The following AMBP variants were observed in gnomAD, a reference collection of about 807,000 sequenced individuals.
AMBP encodes the protein protein AMBP.
In AMBP, 37 loss-of-function variants were observed where a neutral mutation model predicts 46.3. That is an observed-to-expected ratio of 0.80 (90% CI 0.61 to 1.05). The LOEUF (loss-of-function observed/expected upper bound fraction) is 1.05, where lower values mean the gene tolerates loss of function less well. AMBP is among the 50% of genes least tolerant of loss of function. AMBP has a pLI of 0.00. For synonymous variants in AMBP, 174 were observed against 175.9 expected, an observed-to-expected ratio of 0.99 and a Z score of 0.09; for missense variants, 475 against 461.2, an observed-to-expected ratio of 1.03 and a Z score of -0.27.
At position 114,076,729 on chromosome 9, in the gene AMBP, C is replaced by A; in HGVS notation, c.129G>T (p.Lys43Asn). ...ENFNISRIYG[K>N]WYNLAIGSTC... ...TGGAACCGATGGCCAGGTTGTACCACTTCCCATAGATCTAGGAGGCAGGTG... is the reference window on the plus strand; with the variant it reads ...TGGAACCGATGGCCAGGTTGTACCAATTCCCATAGATCTAGGAGGCAGGTG... The change falls in exon 2 of 10, where the codon AAG (lysine) becomes AAT (asparagine). Residue 43 changes from lysine to asparagine, a missense_variant. Physicochemically the swap from Lys to Asn is moderately conservative, Grantham distance 94. Coordinates refer to ENST00000265132, the MANE Select transcript of AMBP (RefSeq NM_001633.4). 1 of 1,614,034 alleles carries A rather than the reference C, an allele frequency of 6.2e-7. No homozygotes were observed. Among genetic ancestry groups the A allele is most frequent in the Non-Finnish European group, 8.5e-7 (1 of 1,179,964 alleles).
Position 114,078,146 on chromosome 9 carries a change from C to A in AMBP, c.64G>T (p.Val22Leu). ...TGGATGTTGTCGGGCGGCGTTGGCACAGGGCCAGCGCTCACCGCCAGGCAG... is the reference window on the plus strand; with the variant it reads ...TGGATGTTGTCGGGCGGCGTTGGCAAAGGGCCAGCGCTCACCGCCAGGCAG... ...SACLAVSAGP[V>L]PTPPDNIQVQ... Residue 22 changes from valine to leucine, a missense_variant, in exon 1 of 10, where the codon GTG becomes TTG. Physicochemically the swap from Val to Leu is conservative, Grantham distance 32. Coordinates refer to ENST00000265132, the MANE Select transcript of AMBP (RefSeq NM_001633.4). 2 of 1,613,764 alleles carry A rather than the reference C, an allele frequency of 1.2e-6. No individual in the cohort carries two copies. The highest frequency in any genetic ancestry group is 1.7e-6 in the Non-Finnish European group (2 of 1,180,032).
chr9:114,073,138 AT>A (rs1846763517), intron 4 of AMBP, 112 bp from the exon 5 acceptor site: 1 of 890,810 alleles, frequency 1.1e-6, no homozygotes, highest in Admixed American at 2.5e-5. Flanking sequence ...AAAACTATTG[AT>A]GCAGTTTAAT....
chr9:114,072,814 C>T (rs765042820), intron 5 of AMBP, 111 bp downstream of exon 5: 73 of 866,454 alleles, frequency 8.4e-5, no homozygotes, highest in South Asian at 6.5e-4. Context: ...GAGGCTGTGG[C>T]GCCTTTTTAT....
chr9:114,076,823 A>G, intron 1 of AMBP, 83 bp from the exon 2 acceptor site: 1 of 1,490,408 alleles, frequency 6.7e-7, no homozygotes. Flanking sequence ...CCCACCCTCC[A>G]CCTCCTCCTC....
In AMBP at chr9:114,072,920, T is replaced by G; in HGVS notation, c.556+5A>C. On this transcript the variant is annotated splice_donor_5th_base_variant and intron_variant, in intron 5 of 9. Transcript: ENST00000265132. Reference sequence around the variant, plus strand: ...AGGAATTTGAGGCGGAGGGGTGCTATGTACCTCGGTCAGCCATGGTGAAGA... The same window carrying G: ...AGGAATTTGAGGCGGAGGGGTGCTAGGTACCTCGGTCAGCCATGGTGAAGA... 2 of 1,613,608 alleles carry G rather than the reference T, an allele frequency of 1.2e-6. No individual in the cohort carries two copies. The highest frequency in any genetic ancestry group is 1.3e-5 in the African/African-American group (1 of 75,020).
intron 4 of AMBP, 87 bp from the exon 5 acceptor site, chr9:114,073,113 C>T: frequency 8.1e-7 from 1 of 1,229,218 alleles, no homozygotes; most frequent in South Asian, 1.4e-5. Flanking sequence ...GTGATTTTCA[C>T]TTAGGGAAAA....
intron 5 of AMBP, among the ~76,000 whole-genome samples, chr9:114,072,496 C>T (rs1846755532): frequency 6.6e-6 from 1 of 152,200 alleles, no homozygotes. Context: ...GCACGGTCTA[C>T]CAGGCCAAGT....
Position 114,060,943 on chromosome 9 carries a change from A to G in AMBP, c.1009T>C (p.Cys337Arg), listed in dbSNP as rs750288262. 3.7e-6 allele frequency: 6 copies of G among 1,613,996 alleles called. No homozygotes were observed. The highest frequency in any genetic ancestry group is 5.1e-6 in the Non-Finnish European group (6 of 1,179,994). The change falls in exon 9 of 10, where the codon TGC (cysteine) becomes CGC (arginine). Residue 337 changes from cysteine to arginine, a missense_variant. Around this residue, in one of 3 missense-constraint regions of AMBP, gnomAD observed 293 missense variants for 276.9 expected, o/e 1.06. Transcript: ENST00000265132. ...FYSEKECREYCGVPGDGDEEL... is the reference protein window; with the variant it reads ...FYSEKECREYRGVPGDGDEEL... The stretch of plus-strand genomic sequence containing the variant: ...TGCCTACCATCACCAGGGACACCGC[A>G]GTACTCTCTGCACTCCTTCTCTGAG...
At chr9:114,069,640 T>C in intron 6 of AMBP, 59 bp downstream of exon 6, 1 of 1,278,656 alleles carries the variant, frequency 7.8e-7, no homozygotes, top group Non-Finnish European at 1.0e-6. Context: ...GTGTGCAGCG[T>C]GCCTGGGGCA....
At chr9:114,070,783 G>A (rs1564372403) in intron 5 of AMBP, among the ~76,000 whole-genome samples, 1 of 152,198 alleles carries the variant, frequency 6.6e-6, no homozygotes, top group Non-Finnish European at 1.5e-5. Flanking sequence ...TGCCTTGGGA[G>A]GAGGCTGTGT....
chr9:114,075,946 GT>G (rs1462804005), intron 2 of AMBP, among the ~76,000 whole-genome samples: 2 of 152,154 alleles, frequency 1.3e-5, no homozygotes, highest in Non-Finnish European at 2.9e-5. Context: ...GTTCACGTGA[GT>G]AGGACTCAGA....
chr9:114,075,754 G>A (rs1160900785), intron 2 of AMBP, among the ~76,000 whole-genome samples: 2 of 152,184 alleles, frequency 1.3e-5, no homozygotes, highest in Non-Finnish European at 2.9e-5. Context: ...CGGGCACAAA[G>A]AAGGGCATGT....
intron 4 of AMBP, 76 bp downstream of exon 4, chr9:114,073,960 T>G: frequency 7.2e-7 from 1 of 1,396,146 alleles, no homozygotes; most frequent in Non-Finnish European, 1.0e-6. Context: ...TCCCTGTGCT[T>G]ACCCACTCCA....
chr9:114,069,636 A>G lies in AMBP; in HGVS notation c.603+63T>C, dbSNP rs1392482485. Reference sequence around the variant, plus strand: ...CCCCCCGCAGCAGGATCAAGTGTGCAGCGTGCCTGGGGCAGAGTGGGGTGG... The same window carrying G: ...CCCCCCGCAGCAGGATCAAGTGTGCGGCGTGCCTGGGGCAGAGTGGGGTGG... On this transcript the variant is annotated intron_variant, in intron 6 of 9. Coordinates refer to ENST00000265132, the MANE Select transcript of AMBP (RefSeq NM_001633.4). The G allele has an allele frequency of 3.1e-6, 4 of 1,302,818 alleles. No individual in the cohort carries two copies. In the African/African-American group the frequency reaches 6.1e-5, roughly 20 times the overall value. 80.7% of individuals were successfully genotyped at this position (1,302,818 alleles called of 1,614,324 possible). A position where few individuals can be genotyped will look rare whatever the true frequency, so the allele number is the denominator to read the frequency against.
chr9:114,073,493 G>GTTTT lies in AMBP; in HGVS notation c.455-471_455-468dup, dbSNP rs59522385. The stretch of plus-strand genomic sequence containing the variant: ...AATAGCCAGGATGGTCTCAATCCCT[G>GTTTT]TTTTTTTTTTTTTTTTTTTTTTGAG... On this transcript the variant is annotated intron_variant, in intron 4 of 9. Coordinates refer to ENST00000265132, the MANE Select transcript of AMBP (RefSeq NM_001633.4). 4.8e-4 allele frequency among the ~76,000 whole-genome samples: 52 copies of GTTTT among 107,288 alleles called. 1 individual carries two copies. Among genetic ancestry groups the GTTTT allele is most frequent in the African/African-American group, 1.1e-3 (31 of 28,366 alleles). The allele number at this position is 107,288 out of a possible 152,430, so 70.4% of individuals were successfully genotyped here. A position where few individuals can be genotyped will look rare whatever the true frequency, so the allele number is the denominator to read the frequency against.
At chr9:114,064,799 C>A (rs10817564) in intron 6 of AMBP, among the ~76,000 whole-genome samples, 51 of 151,988 alleles carry the variant, frequency 3.4e-4, no homozygotes, top group Non-Finnish European at 8.8e-5. Flanking sequence ...ATTTTGGAAC[C>A]GAATAGAATG....
intron 6 of AMBP, among the ~76,000 whole-genome samples, chr9:114,063,180 G>T (rs1297301623): frequency 6.7e-6 from 1 of 148,154 alleles, no homozygotes; most frequent in Non-Finnish European, 1.5e-5. Context: ...TTAGCTGCTT[G>T]CAGAAAAAAA....
At chr9:114,073,652 C>G (rs1319285699) in intron 4 of AMBP, among the ~76,000 whole-genome samples, 1 of 152,082 alleles carries the variant, frequency 6.6e-6, no homozygotes, top group East Asian at 1.9e-4. Context: ...CACACATGCA[C>G]TATGCCCAGC....
rs775349521 is a variant in AMBP at position 114,074,126 on chromosome 9, C to T, written c.364G>A (p.Val122Met). 5.6e-6 allele frequency: 9 copies of T among 1,614,102 alleles called. No individual in the cohort carries two copies. Among genetic ancestry groups the T allele is most frequent in the Non-Finnish European group, 7.6e-6 (9 of 1,180,018 alleles). The change falls in exon 4 of 10, where the codon GTG (valine) becomes ATG (methionine). Residue 122 changes from valine (V) to methionine (M), a missense_variant. By Grantham distance (21) the Val-to-Met change is conservative. Around this residue, in one of 3 missense-constraint regions of AMBP, gnomAD observed 179 missense variants for 167.4 expected, o/e 1.07. Transcript: ENST00000265132. ...TACTCATCATAGTTGGTGTGGACCA[C>T]ATAGGACTCCATGGTTATGTTCCAT... ...SKWNITMESY[V>M]VHTNYDEYAI...
Sources: gnomAD v4.1 joint callset for allele counts (sites outside exome capture counted in the v4.1 genomes callset) on GRCh38, gnomAD v4.1.1 for gene constraint, gnomAD v4.1.1 regional missense constraint, MANE v1.5 for transcripts, NCBI Gene and HGNC (gene_info 2026-07-23, HGNC 2026-07-21) for gene names.